ST6GALNAC3: variants seen among roughly 807,000 people sequenced by gnomAD.
The protein encoded by ST6GALNAC3 is alpha-N-acetylgalactosaminide alpha-2,6-sialyltransferase 3.
In ST6GALNAC3, 25 loss-of-function variants were observed where a neutral mutation model predicts 32.7. That is an observed-to-expected ratio of 0.76 (90% confidence interval 0.56 to 1.07). The LOEUF is 1.07. Ranked by LOEUF, ST6GALNAC3 falls within the 50% of genes least tolerant of loss-of-function variation. The probability of loss-of-function intolerance (pLI) is 0.00; values close to 1 mark genes in which losing one functional copy is unlikely to be tolerated. For synonymous variants in ST6GALNAC3, 129 were observed against 133.1 expected (o/e 0.97, Z 0.21); for missense variants, 355 against 382.4 (o/e 0.93, Z 0.60).
chr1:76,079,990 A>C (rs1263095123), intron 1 of ST6GALNAC3, among the ~76,000 whole-genome samples: 1 of 152,106 alleles, frequency 6.6e-6, no homozygotes, highest in Non-Finnish European at 1.5e-5. Context: ...TTGACTATCA[A>C]ATGTTAGGGA....
intron 1 of ST6GALNAC3, among the ~76,000 whole-genome samples, chr1:76,232,532 T>C (rs1656424719): frequency 6.6e-6 from 1 of 152,222 alleles, no homozygotes; most frequent in Non-Finnish European, 1.5e-5. Flanking sequence ...GGGGTCCTTT[T>C]TCTAATGGAT....
At position 76,130,048 on chromosome 1, in the gene ST6GALNAC3, C is replaced by T. The variant is rs576742803; in HGVS notation, c.18+55164C>T. 1.5e-3 allele frequency among the ~76,000 whole-genome samples: 232 copies of T among 152,314 alleles called. 3 individuals are homozygous for T. The highest frequency in any genetic ancestry group is 5.4e-3 in the African/African-American group (225 of 41,562). ...ATGACTGGTTCATTAAGGCACCCAGCGTGTGGCCCTTCCAACTTGTTTTGG... is the reference window on the plus strand; with the variant it reads ...ATGACTGGTTCATTAAGGCACCCAGTGTGTGGCCCTTCCAACTTGTTTTGG... On this transcript the variant is annotated intron_variant, in intron 1 of 4. Coordinates refer to ENST00000328299, the MANE Select transcript of ST6GALNAC3 (RefSeq NM_152996.4).
chr1:76,180,960 A>T (rs1653141132), intron 1 of ST6GALNAC3, among the ~76,000 whole-genome samples: 1 of 152,246 alleles, frequency 6.6e-6, no homozygotes, highest in East Asian at 1.9e-4. Flanking sequence ...CAGAGGGTCC[A>T]CTGAGCCAGT....
intron 1 of ST6GALNAC3, among the ~76,000 whole-genome samples, chr1:76,151,770 G>T (rs916058673): frequency 6.6e-6 from 1 of 152,192 alleles, no homozygotes; most frequent in Non-Finnish European, 1.5e-5. Context: ...GGGAAAACGG[G>T]TGGGGCATCG....
chr1:76,555,182 A>T (rs939641718), intron 3 of ST6GALNAC3, among the ~76,000 whole-genome samples: 10 of 152,192 alleles, frequency 6.6e-5, no homozygotes, highest in African/African-American at 2.4e-4. Flanking sequence ...TATTGTTAAC[A>T]GCCACCAAAA....
chr1:76,155,698 C>T (rs1234131509), intron 1 of ST6GALNAC3, among the ~76,000 whole-genome samples: 2 of 151,644 alleles, frequency 1.3e-5, no homozygotes, highest in African/African-American at 2.4e-5. Flanking sequence ...AGGATGGTCT[C>T]GATCTCCTGA....
At chr1:76,357,588 C>A (rs550052152) in intron 2 of ST6GALNAC3, among the ~76,000 whole-genome samples, 47 of 152,308 alleles carry the variant, frequency 3.1e-4, no homozygotes, top group Middle Eastern at 6.8e-3. Context: ...TGACAGAAAT[C>A]ATCACCTCCT....
At chr1:76,224,996 A>G (rs1175809720) in intron 1 of ST6GALNAC3, among the ~76,000 whole-genome samples, 2 of 152,082 alleles carry the variant, frequency 1.3e-5, no homozygotes, top group African/African-American at 4.8e-5. Context: ...ACCTAGGCAG[A>G]TGGATGCTTC....
intron 1 of ST6GALNAC3, among the ~76,000 whole-genome samples, chr1:76,226,177 A>G (rs1344663789): frequency 6.6e-6 from 1 of 152,330 alleles, no homozygotes; most frequent in Admixed American, 6.5e-5. Context: ...CTTGTCTGGC[A>G]GATAGTAGAG....
At chr1:76,390,465 C>T (rs1378917183) in intron 2 of ST6GALNAC3, among the ~76,000 whole-genome samples, 3 of 152,160 alleles carry the variant, frequency 2.0e-5, no homozygotes, top group African/African-American at 7.2e-5. Context: ...CTTCAAATTC[C>T]AAAACTTAGC....
intron 3 of ST6GALNAC3, among the ~76,000 whole-genome samples, chr1:76,576,475 C>T (rs932507159): frequency 6.6e-6 from 1 of 152,022 alleles, no homozygotes; most frequent in African/African-American, 2.4e-5. Context: ...TCCCCTATTG[C>T]AGTTAGACCA....
chr1:76,235,382 C>T (rs979415582), intron 1 of ST6GALNAC3, among the ~76,000 whole-genome samples: 1 of 152,004 alleles, frequency 6.6e-6, no homozygotes, highest in Non-Finnish European at 1.5e-5. Context: ...TGGTGCCTGC[C>T]TGTAGTCCAA....
At chr1:76,213,290 G>T (rs1655269268) in intron 1 of ST6GALNAC3, among the ~76,000 whole-genome samples, 1 of 152,142 alleles carries the variant, frequency 6.6e-6, no homozygotes, top group African/African-American at 2.4e-5. Context: ...CTGACTGGAG[G>T]GTGCTAGGAG....
At chr1:76,286,982 A>C (rs1659814697) in intron 1 of ST6GALNAC3, among the ~76,000 whole-genome samples, 1 of 152,244 alleles carries the variant, frequency 6.6e-6, no homozygotes, top group Non-Finnish European at 1.5e-5. Context: ...TTACACCAAA[A>C]GGTGTATGTT....
At chr1:76,515,482 A>G (rs1477319572) in intron 3 of ST6GALNAC3, among the ~76,000 whole-genome samples, 1 of 150,114 alleles carries the variant, frequency 6.7e-6, no homozygotes, top group South Asian at 2.1e-4. Context: ...TTGTTTGTCT[A>G]TTTTCTTGAG....
intron 1 of ST6GALNAC3, among the ~76,000 whole-genome samples, chr1:76,211,008 G>A (rs192267354): frequency 1.3e-5 from 2 of 152,332 alleles, no homozygotes; most frequent in East Asian, 1.9e-4. Context: ...ACAGGCATGA[G>A]CCATTGCACC....
chr1:76,480,780 T>C (rs1659672986), intron 3 of ST6GALNAC3, among the ~76,000 whole-genome samples: 1 of 152,152 alleles, frequency 6.6e-6, no homozygotes, highest in South Asian at 2.1e-4. Context: ...ACTCTCCTTA[T>C]TACTCTGAAA....
chr1:76,440,581 T>G (rs1228645578), intron 3 of ST6GALNAC3, among the ~76,000 whole-genome samples: 2 of 152,208 alleles, frequency 1.3e-5, no homozygotes, highest in Non-Finnish European at 2.9e-5. Flanking sequence ...ATCTTTTTGT[T>G]CTTCATCAAA....
chr1:76,359,580 T>G (rs1463438231), intron 2 of ST6GALNAC3, among the ~76,000 whole-genome samples: 2 of 152,170 alleles, frequency 1.3e-5, no homozygotes, highest in African/African-American at 4.8e-5. Context: ...CACATTGATC[T>G]CAAACTATAG....
Sources: gnomAD v4.1 joint callset for allele counts (sites outside exome capture counted in the v4.1 genomes callset) on GRCh38, gnomAD v4.1.1 for gene constraint, MANE v1.5 for transcripts, NCBI Gene and HGNC (gene_info 2026-07-23, HGNC 2026-07-21) for gene names.